Variants in SYN2 observed in about 807,000 individuals in gnomAD.
SYN2 encodes synapsin-2.
In SYN2, 19 loss-of-function variants were observed where a neutral mutation model predicts 50.9. The observed-to-expected ratio is 0.37, with a 90% CI of 0.26 to 0.55. SYN2 has a LOEUF of 0.55. Ranked by LOEUF, SYN2 falls within the 20% of genes least tolerant of loss-of-function variation. SYN2 has a pLI of 0.81. For synonymous variants in SYN2, 255 were observed against 224.9 expected (o/e 1.13, Z -1.20); for missense variants, 587 against 576.4 (o/e 1.02, Z -0.19).
At chr3:12,085,108 T>TA (rs61355688) in intron 1 of SYN2, among the ~76,000 whole-genome samples, 12 of 148,950 alleles carry the variant, frequency 8.1e-5, no homozygotes, top group Non-Finnish European at 1.2e-4. Flanking sequence ...GCTGACTGGG[T>TA]AAAAAAAAAA....
intron 1 of SYN2, among the ~76,000 whole-genome samples, chr3:12,024,639 G>A (rs1694216240): frequency 6.6e-6 from 1 of 152,140 alleles, no homozygotes. Context: ...TGACATTGCT[G>A]ATTTGTATTT....
rs1559460753 is a variant in SYN2, at chr3:12,187,476, TC to T, written c.1479del (p.Ser494ProfsTer50). On this transcript the variant is annotated frameshift_variant, in exon 12 of 13. Coordinates refer to ENST00000621198, the MANE Select transcript of SYN2 (RefSeq NM_133625.6). LOFTEE classifies it high-confidence loss of function. ...LPPSSSSSSSSSSSAPQRPGG... is the reference protein window; with the variant it reads ...LPPSSSSSSSXSSSAPQRPGG... Reference sequence around the variant, plus strand: ...ACCTTCCTCCTCTTCCTCCTCTTCTTCCTCCTCCTCGGCTCCTCAGCGGCCG... The same window carrying T: ...ACCTTCCTCCTCTTCCTCCTCTTCTTCTCCTCCTCGGCTCCTCAGCGGCCG... The T allele has an allele frequency of 1.9e-6, 3 of 1,550,712 alleles. No homozygotes were observed. In the Admixed American group the frequency reaches 5.9e-5, roughly 30 times the overall value.
intron 1 of SYN2, among the ~76,000 whole-genome samples, chr3:12,067,620 A>G (rs2125166268): frequency 6.6e-6 from 1 of 151,826 alleles, no homozygotes; most frequent in East Asian, 1.9e-4. Flanking sequence ...TAACCAGAAA[A>G]AAAAAAAAAA....
At chr3:12,076,262 C>T (rs1695465582) in intron 1 of SYN2, among the ~76,000 whole-genome samples, 1 of 151,956 alleles carries the variant, frequency 6.6e-6, no homozygotes, top group Non-Finnish European at 1.5e-5. Context: ...GTCATATTAC[C>T]ACATTTCTTG....
chr3:12,148,470 A>G (rs756458972), intron 4 of SYN2: 2 of 152,266 alleles, frequency 1.3e-5, no homozygotes, highest in African/African-American at 4.8e-5. Flanking sequence ...GTTTCTCAAT[A>G]TCTTTACTAT....
chr3:12,006,905 A>G (rs571091554), intron 1 of SYN2, among the ~76,000 whole-genome samples: 1 of 152,240 alleles, frequency 6.6e-6, no homozygotes, highest in Non-Finnish European at 1.5e-5. Flanking sequence ...AAGAAAAGGA[A>G]GAGGAGAAAT....
At chr3:12,142,427 T>A (rs1183437944) in intron 3 of SYN2, among the ~76,000 whole-genome samples, 5 of 152,198 alleles carry the variant, frequency 3.3e-5, no homozygotes, top group Non-Finnish European at 7.4e-5. Context: ...ATTCCCCTAG[T>A]GAGTTGTGGC....
At chr3:12,057,678 G>A (rs891025653) in intron 1 of SYN2, among the ~76,000 whole-genome samples, 6 of 152,032 alleles carry the variant, frequency 3.9e-5, no homozygotes, top group Non-Finnish European at 8.8e-5. Flanking sequence ...TGATAACTTT[G>A]GGCTCTTAAT....
At chr3:12,066,711 C>G (rs1695224413) in intron 1 of SYN2, among the ~76,000 whole-genome samples, 1 of 152,124 alleles carries the variant, frequency 6.6e-6, no homozygotes, top group Non-Finnish European at 1.5e-5. Flanking sequence ...ACATTCAGAA[C>G]ATAGAGCAGT....
chr3:12,083,304 G>A (rs1163298633), intron 1 of SYN2, among the ~76,000 whole-genome samples: 4 of 152,280 alleles, frequency 2.6e-5, no homozygotes, highest in African/African-American at 9.6e-5. Flanking sequence ...GAGCCACTGC[G>A]CCCAGCCTGT....
intron 1 of SYN2, among the ~76,000 whole-genome samples, chr3:12,121,630 G>GA (rs1332270332): frequency 6.9e-6 from 1 of 145,580 alleles, no homozygotes; most frequent in East Asian, 2.2e-4. Flanking sequence ...AAGGAGGAAA[G>GA]AAAGAAAGGG....
At chr3:12,061,236 T>C (rs1272167401) in intron 1 of SYN2, among the ~76,000 whole-genome samples, 1 of 152,068 alleles carries the variant, frequency 6.6e-6, no homozygotes, top group Non-Finnish European at 1.5e-5. Context: ...TGAGATATTT[T>C]CAATAGGTAT....
At chr3:12,150,408 G>A (rs1278840018) in intron 4 of SYN2, among the ~76,000 whole-genome samples, 2 of 152,218 alleles carry the variant, frequency 1.3e-5, no homozygotes, top group African/African-American at 4.8e-5. Context: ...GATTGGAAAT[G>A]AAGGGGCCTT....
At chr3:12,055,722 G>A (rs1694974597) in intron 1 of SYN2, among the ~76,000 whole-genome samples, 1 of 152,082 alleles carries the variant, frequency 6.6e-6, no homozygotes, top group African/African-American at 2.4e-5. Flanking sequence ...TGGTTCTTTT[G>A]ATGCTATTAT....
chr3:12,071,119 G>A, intron 1 of SYN2: 1 of 560,746 alleles, frequency 1.8e-6, no homozygotes, highest in Admixed American at 1.9e-5. Flanking sequence ...AGACCTACAT[G>A]CCAACAAGGT....
chr3:12,092,244 T>G (rs917681503), intron 1 of SYN2, among the ~76,000 whole-genome samples: 1 of 152,180 alleles, frequency 6.6e-6, no homozygotes, highest in South Asian at 2.1e-4. Flanking sequence ...CACCAAACGT[T>G]CAAACTTTCC....
chr3:12,078,922 C>T (rs1695528292), intron 1 of SYN2, among the ~76,000 whole-genome samples: 1 of 152,116 alleles, frequency 6.6e-6, no homozygotes, highest in African/African-American at 2.4e-5. Context: ...CATATTGATT[C>T]TTCCTGTCCG....
chr3:12,037,749 T>A (rs1236032187), intron 1 of SYN2, among the ~76,000 whole-genome samples: 1 of 152,238 alleles, frequency 6.6e-6, no homozygotes, highest in African/African-American at 2.4e-5. Flanking sequence ...CATAACACTG[T>A]TGCAATGGGG....
At chr3:12,075,224 T>A (rs73813116) in intron 1 of SYN2, among the ~76,000 whole-genome samples, 6,881 of 152,162 alleles carry the variant, frequency 0.045, 473 homozygotes, top group African/African-American at 0.15. Context: ...AAAACCCAGG[T>A]GTTATTTTTA....
Sources: allele counts gnomAD v4.1 joint callset (sites outside exome capture counted in the v4.1 genomes callset), GRCh38; gene constraint gnomAD v4.1.1; transcripts MANE v1.5; gene names NCBI Gene and HGNC (gene_info 2026-07-23, HGNC 2026-07-21).